MLLT3: variants seen among roughly 807,000 people sequenced by gnomAD.
The protein encoded by MLLT3 is MLLT3 super elongation complex subunit, also known as protein AF-9.
In MLLT3, 4 loss-of-function variants were observed where a neutral mutation model predicts 53.2. That is an observed-to-expected ratio of 0.08 (90% CI 0.04 to 0.17). MLLT3 has a LOEUF of 0.17. Ranked by LOEUF, MLLT3 falls within the 10% of genes least tolerant of loss-of-function variation. The probability of loss-of-function intolerance (pLI) is 1.00; values close to 1 mark genes in which losing one functional copy is unlikely to be tolerated. For missense variants in MLLT3, 569 were observed against 684.0 expected (o/e 0.83, Z 1.87); for synonymous variants, 283 against 230.6 (o/e 1.23, Z -2.06).
At chr9:20,468,189 A>G (rs1245601664) in intron 2 of MLLT3, among the ~76,000 whole-genome samples, 1 of 152,242 alleles carries the variant, frequency 6.6e-6, no homozygotes, top group Non-Finnish European at 1.5e-5. Flanking sequence ...AAAACTAGAA[A>G]TCACTCAGTT....
chr9:20,570,109 C>G (rs919617721), intron 2 of MLLT3, among the ~76,000 whole-genome samples: 1 of 152,106 alleles, frequency 6.6e-6, no homozygotes, highest in Non-Finnish European at 1.5e-5. Flanking sequence ...TTCAGATGGG[C>G]TTTGTTTGGC....
At chr9:20,582,831 C>A (rs1819832789) in intron 2 of MLLT3, among the ~76,000 whole-genome samples, 1 of 152,174 alleles carries the variant, frequency 6.6e-6, no homozygotes. Flanking sequence ...TCCTACAACA[C>A]ATGGAAATTC....
intron 4 of MLLT3, among the ~76,000 whole-genome samples, chr9:20,431,999 G>A (rs993124981): frequency 5.3e-5 from 8 of 152,140 alleles, no homozygotes; most frequent in African/African-American, 1.9e-4. Flanking sequence ...TATATCGAGA[G>A]AAGGCAAAGG....
At chr9:20,408,634 C>A (rs535591110) in intron 5 of MLLT3, among the ~76,000 whole-genome samples, 3 of 152,264 alleles carry the variant, frequency 2.0e-5, no homozygotes, top group African/African-American at 2.4e-5. Context: ...CCAGCTGCTC[C>A]CTCACCATAC....
intron 3 of MLLT3, among the ~76,000 whole-genome samples, chr9:20,453,397 C>T (rs973463607): frequency 6.6e-6 from 1 of 152,018 alleles, no homozygotes; most frequent in African/African-American, 2.4e-5. Context: ...CCTGTCTCTA[C>T]AAAAATTACA....
intron 5 of MLLT3, among the ~76,000 whole-genome samples, chr9:20,395,530 A>C (rs1822300244): frequency 1.3e-5 from 2 of 152,172 alleles, no homozygotes; most frequent in African/African-American, 4.8e-5. Context: ...GCTACTTTAA[A>C]ACATGCAGCT....
chr9:20,495,138 A>C (rs1429835860), intron 2 of MLLT3, among the ~76,000 whole-genome samples: 1 of 152,176 alleles, frequency 6.6e-6, no homozygotes. Flanking sequence ...AACTAGGCCT[A>C]TATAAATCAT....
At chr9:20,390,530 T>G (rs891322055) in intron 5 of MLLT3, among the ~76,000 whole-genome samples, 4 of 152,218 alleles carry the variant, frequency 2.6e-5, no homozygotes, top group African/African-American at 9.6e-5. Flanking sequence ...CTTAGCACAC[T>G]GGACAAACAG....
chr9:20,568,704 T>C (rs1044009671), intron 2 of MLLT3, among the ~76,000 whole-genome samples: 2 of 152,204 alleles, frequency 1.3e-5, no homozygotes, highest in African/African-American at 4.8e-5. Context: ...ACAAGTTAAT[T>C]TCTTTTCCTG....
chr9:20,568,141 GC>G (rs1201116346), intron 2 of MLLT3, among the ~76,000 whole-genome samples: 17 of 152,060 alleles, frequency 1.1e-4, no homozygotes, highest in Admixed American at 1.3e-4. Context: ...AAAAGCATCC[GC>G]CACTGAGATA....
intron 2 of MLLT3, among the ~76,000 whole-genome samples, chr9:20,524,983 A>G (rs554170125): frequency 2.6e-5 from 4 of 152,112 alleles, no homozygotes; most frequent in Non-Finnish European, 5.9e-5. Context: ...CTCAGCATTC[A>G]GGAAGGCACC....
intron 4 of MLLT3, among the ~76,000 whole-genome samples, chr9:20,434,464 T>C (rs1823352987): frequency 6.6e-6 from 1 of 152,182 alleles, no homozygotes; most frequent in Admixed American, 6.5e-5. Context: ...CTATGCACAG[T>C]GGACTAAGGG....
chr9:20,610,703 A>T (rs1686515444), intron 2 of MLLT3, among the ~76,000 whole-genome samples: 2 of 152,162 alleles, frequency 1.3e-5, no homozygotes, highest in Admixed American at 6.5e-5. Flanking sequence ...GCAACACAGG[A>T]GGAAAAAGAG....
At chr9:20,530,014 C>T (rs1276646520) in intron 2 of MLLT3, among the ~76,000 whole-genome samples, 1 of 152,140 alleles carries the variant, frequency 6.6e-6, no homozygotes, top group African/African-American at 2.4e-5. Context: ...AGAAGGGAAA[C>T]TCAAAAGTCA....
At chr9:20,614,963 T>G (rs58394750) in intron 2 of MLLT3, among the ~76,000 whole-genome samples, 4,697 of 147,228 alleles carry the variant, frequency 0.032, 253 homozygotes, top group African/African-American at 0.11. Flanking sequence ...CCTGGCCTAC[T>G]TCATAAAGAT....
chr9:20,608,892 T>C (rs1012941456), intron 2 of MLLT3, among the ~76,000 whole-genome samples: 2 of 152,036 alleles, frequency 1.3e-5, no homozygotes, highest in East Asian at 3.8e-4. Context: ...ATCACTTATA[T>C]TAACATTCTA....
chr9:20,463,289 AG>A (rs1201552517), intron 2 of MLLT3, among the ~76,000 whole-genome samples: 9 of 151,290 alleles, frequency 5.9e-5, no homozygotes, highest in Non-Finnish European at 1.3e-4. Flanking sequence ...GGTGGGGGGG[AG>A]GAGAAATTTT....
intron 2 of MLLT3, among the ~76,000 whole-genome samples, chr9:20,618,160 CAG>C (rs1820884815): frequency 6.6e-6 from 1 of 152,158 alleles, no homozygotes; most frequent in African/African-American, 2.4e-5. Context: ...TCTTATAACT[CAG>C]ATTTCTCACA....
intron 2 of MLLT3, among the ~76,000 whole-genome samples, chr9:20,471,323 GA>G (rs1217251299): frequency 6.6e-6 from 1 of 151,986 alleles, no homozygotes; most frequent in African/African-American, 2.4e-5. Flanking sequence ...GATGTTGAGT[GA>G]AATTAAGAGG....
Sources: allele counts gnomAD v4.1 joint callset (sites outside exome capture counted in the v4.1 genomes callset), GRCh38; gene constraint gnomAD v4.1.1; transcripts MANE v1.5; gene names NCBI Gene and HGNC (gene_info 2026-07-23, HGNC 2026-07-21).